Variants in ZNF425 observed in about 807,000 individuals in gnomAD.
ZNF425 encodes the protein zinc finger protein 425.
Under a neutral mutation model 17.0 loss-of-function variants are expected in ZNF425, and 21 were observed. The ratio of observed to expected loss-of-function variants is 1.23; its 90% CI spans 0.88 to 1.78. ZNF425 has a LOEUF of 1.78. ZNF425 is among the 40% of genes most tolerant of loss of function. ZNF425 has a pLI of 0.00. For synonymous variants in ZNF425, 433 were observed against 384.1 expected, an observed-to-expected ratio of 1.13 and a Z score of -1.49; for missense variants, 868 against 967.3, an observed-to-expected ratio of 0.90 and a Z score of 1.36.
At position 149,104,185 on chromosome 7, in the gene ZNF425, GC is replaced by G; in HGVS notation, c.1685del (p.Ser562ThrfsTer8). On this transcript the variant is annotated frameshift_variant, in exon 4 of 4. Coordinates refer to ENST00000378061, the MANE Select transcript of ZNF425 (RefSeq NM_001001661.3). LOFTEE classifies it low-confidence loss of function (END_TRUNC). The surrounding 1 kb of genome is among the most constrained non-coding windows in gnomAD (Gnocchi z 4.3). ...EPFQCPECDK[S>X]FSWKASMKFH... The stretch of plus-strand genomic sequence containing the variant: ...ACTTCATGGAGGCCTTCCAGGAGAA[GC>G]TCTTGTCGCACTCGGGACACTGGAA... 1 of 1,613,310 alleles carries G rather than the reference GC, an allele frequency of 6.2e-7. No homozygotes were observed. Among genetic ancestry groups the G allele is most frequent in the South Asian group, 1.1e-5 (1 of 91,032 alleles).
At position 149,103,596 on chromosome 7, in the gene ZNF425, TGCTGCATG is replaced by T; in HGVS notation, c.*8_*15del. 1 of 1,568,218 alleles carries T rather than the reference TGCTGCATG, an allele frequency of 6.4e-7. No individual in the cohort carries two copies. The highest frequency in any genetic ancestry group is 8.6e-7 in the Non-Finnish European group (1 of 1,161,118). ...ACCTCCTGAAAGCCGACTGCGTGACTGCTGCATGGCCTGACCTAGAGGCTGGAGGGCTT... is the reference window on the plus strand; with the variant it reads ...ACCTCCTGAAAGCCGACTGCGTGACTGCCTGACCTAGAGGCTGGAGGGCTT... On this transcript the variant is annotated 3_prime_UTR_variant, in exon 4 of 4. Coordinates refer to ENST00000378061, the MANE Select transcript of ZNF425 (RefSeq NM_001001661.3).
intron 2 of ZNF425, among the ~76,000 whole-genome samples, chr7:149,115,582 C>T (rs1388076050): frequency 6.6e-6 from 1 of 150,930 alleles, no homozygotes; most frequent in Non-Finnish European, 1.5e-5. Flanking sequence ...TTCAGCTACT[C>T]AGGAGGCTGA....
At position 149,103,303 on chromosome 7, in the gene ZNF425, G is replaced by A. The variant is rs568305475; in HGVS notation, c.*309C>T. ...GTGAGCATGGCTCACTGCAGCCTCT[G>A]CCTCCTGGGCTCAAGCGATCCTCCT... On this transcript the variant is annotated 3_prime_UTR_variant, in exon 4 of 4. Transcript: ENST00000378061. 9.9e-6 allele frequency: 3 copies of A among 302,036 alleles called. No homozygotes were observed. The East Asian group carries it at 2.1e-4, about 21-fold the overall frequency. The allele number at this position is 302,036 out of a possible 1,614,324, so 18.7% of individuals were successfully genotyped here.
Position 149,104,778 on chromosome 7 carries a change from G to C in ZNF425, c.1093C>G (p.Arg365Gly), listed in dbSNP as rs951430510. ...AGGGCAGCCTTCCGGGAGAAGCTCCGGCCACACTCGGGACAGTGGAAGGGC... is the reference window on the plus strand; with the variant it reads ...AGGGCAGCCTTCCGGGAGAAGCTCCCGCCACACTCGGGACAGTGGAAGGGC... ...KRPFHCPECG[R>G]SFSRKAALKT... is the part of the protein sequence containing the mutation. The change falls in exon 4 of 4, where the codon CGG becomes GGG. Residue 365 changes from arginine to glycine, a missense_variant. Arg to Gly is a moderately radical substitution (Grantham distance 125). Transcript: ENST00000378061. The surrounding 1 kb of genome is among the most constrained non-coding windows in gnomAD (Gnocchi z 4.3). The C allele has an allele frequency of 6.2e-7, 1 of 1,612,836 alleles. No individual in the cohort carries two copies. Among genetic ancestry groups the C allele is most frequent in the African/African-American group, 1.3e-5 (1 of 74,810 alleles).
chr7:149,115,687 CAAAA>C (rs59871764), intron 2 of ZNF425, among the ~76,000 whole-genome samples: 2 of 89,040 alleles, frequency 2.2e-5, no homozygotes, highest in Non-Finnish European at 4.8e-5. Context: ...GAGACTCCGT[CAAAA>C]AAAAAAAAAA....
intron 1 of ZNF425, among the ~76,000 whole-genome samples, chr7:149,119,914 T>C (rs1326822985): frequency 6.6e-6 from 1 of 152,098 alleles, no homozygotes; most frequent in Non-Finnish European, 1.5e-5. Flanking sequence ...GTGCACGGGG[T>C]ATATGTAAAT....
intron 2 of ZNF425, among the ~76,000 whole-genome samples, chr7:149,113,773 A>G (rs1969466): frequency 0.6 from 91,248 of 151,152 alleles, 28,780 homozygotes; most frequent in East Asian, 0.9. Flanking sequence ...GGATGGTCTC[A>G]ATCTCCTGAC....
rs1315064869 is a variant in ZNF425, at chr7:149,126,318, C to G, written c.-105G>C. 4.1e-6 allele frequency: 6 copies of G among 1,480,812 alleles called. No homozygotes were observed. In the African/African-American group the frequency reaches 8.6e-5, roughly 21 times the overall value. 91.7% of individuals were successfully genotyped at this position (1,480,812 alleles called of 1,614,324 possible). A position where few individuals can be genotyped will look rare whatever the true frequency, so the allele number is the denominator to read the frequency against. On this transcript the variant is annotated 5_prime_UTR_variant, in exon 1 of 4. Coordinates refer to ENST00000378061, the MANE Select transcript of ZNF425 (RefSeq NM_001001661.3). ...GCTGGCCCCCAAAGGCAGAGCCGGC[C>G]GGGCGCGGTGCATGCTGGGACTCGG...
chr7:149,126,259 G>C lies in ZNF425; in HGVS notation c.-46C>G. 2 of 1,600,384 alleles carry C rather than the reference G, an allele frequency of 1.2e-6. No individual in the cohort carries two copies. The highest frequency in any genetic ancestry group is 1.1e-5 in the South Asian group (1 of 89,298). Reference sequence around the variant, plus strand: ...CCCTGCCTGGCACGGCCTCCCCTCCGCTCCGCCCCAACCCAACTCCCAGGT... The same window carrying C: ...CCCTGCCTGGCACGGCCTCCCCTCCCCTCCGCCCCAACCCAACTCCCAGGT... On this transcript the variant is annotated 5_prime_UTR_variant, in exon 1 of 4. Transcript: ENST00000378061.
In ZNF425 at chr7:149,104,111, C is replaced by T. The variant is rs200471914; in HGVS notation, c.1760G>A (p.Cys587Tyr). The T allele has an allele frequency of 1.4e-5, 23 of 1,612,496 alleles. No individual in the cohort carries two copies. The highest frequency in any genetic ancestry group is 1.9e-5 in the Non-Finnish European group (22 of 1,179,868). ...RDEKPFACGE[C>Y]DKTYTHQSQL... ...AGACTGATGCGTGTAGGTCTTGTCA[C>T]ACTCACCGCACGCGAAGGGCTTCTC... Residue 587 changes from cysteine to tyrosine, a missense_variant, in exon 4 of 4, where the codon TGT (cysteine) becomes TAT (tyrosine). By Grantham distance (194) the Cys-to-Tyr change is radical (BLOSUM62 -2). This residue lies in a region of ZNF425 where 437 missense variants were observed against 444.2 expected (regional missense o/e 0.98). Transcript: ENST00000378061. The surrounding 1 kb of genome is among the most constrained non-coding windows in gnomAD (Gnocchi z 4.3).
chr7:149,123,264 T>C (rs1253727943), intron 1 of ZNF425, among the ~76,000 whole-genome samples: 1 of 152,194 alleles, frequency 6.6e-6, no homozygotes, highest in East Asian at 1.9e-4. Flanking sequence ...TTTTCACTCC[T>C]TTCAGATTCT....
chr7:149,108,048 T>G (rs1826110660), intron 3 of ZNF425, among the ~76,000 whole-genome samples: 1 of 151,736 alleles, frequency 6.6e-6, no homozygotes, highest in African/African-American at 2.4e-5. Context: ...TTTTTTTTAT[T>G]TTTTGTAGAG....
intron 3 of ZNF425, 78 bp from the exon 4 acceptor site, chr7:149,105,644 TTTA>T (rs60932851): frequency 8.8e-4 from 808 of 923,014 alleles, no homozygotes; most frequent in Non-Finnish European, 9.7e-4. Flanking sequence ...CTTTTAAAAA[TTTA>T]TTATTATTAT....
At chr7:149,120,981 C>G (rs1396870270) in intron 1 of ZNF425, among the ~76,000 whole-genome samples, 2 of 121,460 alleles carry the variant, frequency 1.6e-5, no homozygotes, top group African/African-American at 5.0e-5. Context: ...GGGGTAAATG[C>G]CCAGGACTAC....
intron 3 of ZNF425, among the ~76,000 whole-genome samples, chr7:149,109,107 C>T (rs1440663229): frequency 2.1e-5 from 3 of 143,086 alleles, no homozygotes; most frequent in Non-Finnish European, 1.5e-5. Flanking sequence ...GAAACGGAGT[C>T]TCGCTCTGTT....
At chr7:149,106,091 A>AT (rs1483071125) in intron 3 of ZNF425, among the ~76,000 whole-genome samples, 11 of 149,564 alleles carry the variant, frequency 7.4e-5, no homozygotes, top group African/African-American at 2.7e-4. Flanking sequence ...AGTAGCTGGG[A>AT]TTACAGGCAC....
chr7:149,105,560 T>C lies in ZNF425; in HGVS notation c.311A>G (p.Glu104Gly), dbSNP rs1162215259. 6.6e-7 allele frequency: 1 copy of C among 1,508,198 alleles called. No individual in the cohort carries two copies. The highest frequency in any genetic ancestry group is 8.8e-7 in the Non-Finnish European group (1 of 1,133,054). 93.4% of individuals were successfully genotyped at this position (1,508,198 alleles called of 1,614,324 possible). ...CTCTTCTTTTGTCCTGGGAGTTCCT[T>C]CGTCATCTGGAGCAGAAAGAAGTAT... The part of the protein sequence containing the change: ...NTGKLLCFDD[E>G]GTPRTKEEDC... Residue 104 changes from glutamate to glycine, a missense_variant, in exon 4 of 4, where the codon GAA becomes GGA. This residue lies in a region of ZNF425 where 179 missense variants were observed against 216.3 expected (regional missense o/e 0.83). Coordinates refer to ENST00000378061, the MANE Select transcript of ZNF425 (RefSeq NM_001001661.3).
chr7:149,118,945 G>T (rs566417673), intron 1 of ZNF425, among the ~76,000 whole-genome samples: 2 of 152,208 alleles, frequency 1.3e-5, no homozygotes, highest in African/African-American at 4.8e-5. Flanking sequence ...AGTATTGCTG[G>T]ATGTGTCAGT....
chr7:149,125,405 T>C (rs2129518782), intron 1 of ZNF425, among the ~76,000 whole-genome samples: 1 of 152,358 alleles, frequency 6.6e-6, no homozygotes, highest in Non-Finnish European at 1.5e-5. Flanking sequence ...CGATTTACGC[T>C]AACCACCCAA....
Sources: allele counts gnomAD v4.1 joint callset (sites outside exome capture counted in the v4.1 genomes callset), GRCh38; gene constraint gnomAD v4.1.1; regional missense constraint gnomAD v4.1.1; non-coding constraint Gnocchi (gnomAD v3.1); transcripts MANE v1.5; gene names NCBI Gene and HGNC (gene_info 2026-07-23, HGNC 2026-07-21).